The following ICE1 variants were observed in gnomAD, a reference collection of about 807,000 sequenced individuals.
ICE1 encodes the protein little elongation complex subunit 1.
Under a neutral mutation model 192.7 loss-of-function variants are expected in ICE1, and 64 were observed. The observed-to-expected ratio is 0.33, with a 90% CI of 0.27 to 0.41. ICE1 has a LOEUF of 0.41. Ranked by LOEUF, ICE1 falls within the 10% of genes least tolerant of loss-of-function variation. ICE1 has a pLI of 1.00. For missense variants in ICE1, 2,708 were observed against 2,696.0 expected (o/e 1.00, Z -0.10); for synonymous variants, 1,010 against 984.5 (o/e 1.03, Z -0.49).
chr5:5,453,810 G>A (rs1265895772), intron 10 of ICE1, among the ~76,000 whole-genome samples: 2 of 152,006 alleles, frequency 1.3e-5, no homozygotes, highest in East Asian at 1.9e-4. Flanking sequence ...TTTCATTAGG[G>A]CTGTCTTAGT....
intron 17 of ICE1, among the ~76,000 whole-genome samples, chr5:5,479,944 G>A (rs370153380): frequency 5.4e-4 from 82 of 152,262 alleles, no homozygotes; most frequent in Non-Finnish European, 8.7e-4. Context: ...CGGGGCATGG[G>A]GGGTAAGGGG....
intron 3 of ICE1, among the ~76,000 whole-genome samples, chr5:5,438,274 C>G (rs1737937390): frequency 1.3e-5 from 2 of 152,230 alleles, no homozygotes; most frequent in Admixed American, 6.5e-5. Flanking sequence ...TCACCTCCCA[C>G]AAGGTTCCAC....
At chr5:5,438,996 T>C (rs556408714) in intron 3 of ICE1, among the ~76,000 whole-genome samples, 13 of 152,324 alleles carry the variant, frequency 8.5e-5, no homozygotes, top group East Asian at 7.7e-4. Context: ...TATAATTTGA[T>C]TCCTTTTGCT....
At chr5:5,448,835 G>T (rs1305764907) in intron 10 of ICE1, among the ~76,000 whole-genome samples, 2 of 151,990 alleles carry the variant, frequency 1.3e-5, no homozygotes, top group African/African-American at 4.8e-5. Context: ...AGCTGCCTGG[G>T]CATTGATTGC....
intron 5 of ICE1, 117 bp from the exon 6 acceptor site, chr5:5,443,051 T>G: frequency 1.7e-6 from 1 of 587,170 alleles, no homozygotes; most frequent in South Asian, 2.1e-5. Flanking sequence ...TCAGTGACTA[T>G]TTTTTCTGCC....
At chr5:5,450,481 A>T (rs1738381656) in intron 10 of ICE1, among the ~76,000 whole-genome samples, 1 of 152,166 alleles carries the variant, frequency 6.6e-6, no homozygotes, top group African/African-American at 2.4e-5. Flanking sequence ...CTCAGAGGGG[A>T]GAACAGAAAC....
intron 13 of ICE1, 125 bp downstream of exon 13, chr5:5,465,351 C>T (rs932347296): frequency 1.5e-6 from 1 of 647,448 alleles, no homozygotes; most frequent in Admixed American, 3.0e-5. Context: ...TGAGAGTTAT[C>T]CATGTAAACA....
rs994296426 is a variant in ICE1 at position 5,461,615 on chromosome 5, C to T, written c.2281C>T (p.Leu761Phe). 13 of 1,613,248 alleles carry T rather than the reference C, an allele frequency of 8.1e-6. No individual in the cohort carries two copies. The African/African-American group carries it at 1.2e-4, about 15-fold the overall frequency. ...QCESQDPRIE[L>F]TLNKPDFTSL... ...TGAAAGTCAAGATCCAAGAATTGAG[C>T]TCACACTAAATAAGCCAGATTTCAC... is the stretch of plus-strand genomic sequence containing the variant. The change falls in exon 13 of 19, where the codon CTC (leucine) becomes TTC (phenylalanine). Residue 761 changes from leucine to phenylalanine, a missense_variant. Physicochemically the swap from Leu to Phe is conservative, Grantham distance 22. Coordinates refer to ENST00000296564, the MANE Select transcript of ICE1 (RefSeq NM_015325.3).
chr5:5,478,498 A>G (rs934402464), intron 17 of ICE1, among the ~76,000 whole-genome samples: 2 of 152,256 alleles, frequency 1.3e-5, no homozygotes, highest in Non-Finnish European at 2.9e-5. Context: ...GATAGGAAGA[A>G]TCAATATCGT....
chr5:5,464,604 C>T lies in ICE1; in HGVS notation c.5270C>T (p.Pro1757Leu). ...NSVKILDTMY[P>L]ELSARARTLN... The stretch of plus-strand genomic sequence containing the variant: ...GTGAAAATCCTTGACACCATGTATC[C>T]AGAGTTATCTGCCAGGGCCCGGACC... The change falls in exon 13 of 19, where the codon CCA becomes CTA. Residue 1757 changes from proline (P) to leucine (L), a missense_variant. By Grantham distance (98) the Pro-to-Leu change is moderately conservative (BLOSUM62 -3). Transcript: ENST00000296564. This position sits in a 1 kb window ranked among gnomAD's most constrained non-coding sequence, Gnocchi z 4.0. 6.2e-7 allele frequency: 1 copy of T among 1,611,630 alleles called. No individual in the cohort carries two copies.
intron 7 of ICE1, among the ~76,000 whole-genome samples, chr5:5,446,797 T>C (rs191270849): frequency 6.6e-6 from 1 of 152,324 alleles, no homozygotes; most frequent in East Asian, 1.9e-4. Context: ...CTGAGGTGTT[T>C]CATGGAGTTT....
In ICE1 at chr5:5,457,584, G is replaced by A. The variant is rs747464566; in HGVS notation, c.944G>A (p.Gly315Asp). Residue 315 changes from glycine to aspartate, a missense_variant, in exon 12 of 19, where the codon GGT becomes GAT. Physicochemically the swap from Gly to Asp is moderately conservative, Grantham distance 94. Coordinates refer to ENST00000296564, the MANE Select transcript of ICE1 (RefSeq NM_015325.3). ...TTAGTACAAAGTCATCGTGACGGTG[G>A]TAGTACTGAATTTGTTGATCATGAT... ...EVLVQSHRDGGSTEFVDHDHF... is the reference protein window; with the variant it reads ...EVLVQSHRDGDSTEFVDHDHF... 6.2e-7 allele frequency: 1 copy of A among 1,613,972 alleles called. No homozygotes were observed. Among genetic ancestry groups the A allele is most frequent in the African/African-American group, 1.3e-5 (1 of 75,038 alleles).
chr5:5,457,605 A>G lies in ICE1; in HGVS notation c.965A>G (p.His322Arg), dbSNP rs373585749. The part of the protein sequence containing the change: ...RDGGSTEFVD[H>R]DHFFDEDLQA... ...GGTGGTAGTACTGAATTTGTTGATC[A>G]TGATCATTTTTTTGATGAAGATCTT... is the stretch of plus-strand genomic sequence containing the variant. The change falls in exon 12 of 19, where the codon CAT becomes CGT. Residue 322 changes from histidine (H) to arginine (R), a missense_variant. His to Arg is a conservative substitution (Grantham distance 29, BLOSUM62 0). This residue lies in a region of ICE1 where 2,366 missense variants were observed against 2,276.6 expected (regional missense o/e 1.04). Coordinates refer to ENST00000296564, the MANE Select transcript of ICE1 (RefSeq NM_015325.3). 91 of 1,613,848 alleles carry G rather than the reference A, an allele frequency of 5.6e-5. No homozygotes were observed. The African/African-American group carries it at 6.0e-4, about 11-fold the overall frequency.
chr5:5,425,372 G>A (rs80065274), intron 1 of ICE1, among the ~76,000 whole-genome samples: 6,775 of 152,282 alleles, frequency 0.044, 564 homozygotes, highest in East Asian at 0.32. Context: ...GCTCAGAACT[G>A]CTCAGCTCTG....
intron 15 of ICE1, among the ~76,000 whole-genome samples, chr5:5,472,300 C>T (rs1212308803): frequency 3.9e-5 from 6 of 152,154 alleles, no homozygotes; most frequent in African/African-American, 1.2e-4. Flanking sequence ...AACTTAATTA[C>T]ATTCTGTTAA....
rs1004232518 is a variant in ICE1, at chr5:5,422,703, C to T, written c.-213C>T. 12 of 346,892 alleles carry T rather than the reference C, an allele frequency of 3.5e-5. No individual in the cohort carries two copies. The highest frequency in any genetic ancestry group is 2.4e-4 in the African/African-American group (11 of 46,706). The allele number at this position is 346,892 out of a possible 1,614,324, so 21.5% of individuals were successfully genotyped here. On this transcript the variant is annotated 5_prime_UTR_variant, in exon 1 of 19. Transcript: ENST00000296564. ...GACTGCGTCGCGCTCGGGGGCCGCG[C>T]CGGGTAGCGTTTCTTTTTAGTGCCT...
At chr5:5,481,258 T>C (rs6864677) in intron 17 of ICE1, among the ~76,000 whole-genome samples, 37 of 152,224 alleles carry the variant, frequency 2.4e-4, no homozygotes, top group Admixed American at 6.5e-4. Context: ...AACAATATGG[T>C]ATTTTTTTAA....
At chr5:5,478,581 C>T (rs375299099) in intron 17 of ICE1, among the ~76,000 whole-genome samples, 18 of 152,248 alleles carry the variant, frequency 1.2e-4, no homozygotes, top group African/African-American at 3.6e-4. Flanking sequence ...TGACTTTCTT[C>T]GCAGAATTAG....
At position 5,461,414 on chromosome 5, in the gene ICE1, A is replaced by G. The variant is rs762870144; in HGVS notation, c.2080A>G (p.Ile694Val). The change falls in exon 13 of 19, where the codon ATA (isoleucine) becomes GTA (valine). Residue 694 changes from isoleucine (I) to valine (V), a missense_variant. Ile to Val is a conservative substitution (Grantham distance 29). Transcript: ENST00000296564. The stretch of plus-strand genomic sequence containing the variant: ...GCAGTCTGAGCCACCGGAGTGTTCT[A>G]TAGGAGGAAACAACTTGGAGAATAG... The part of the protein sequence containing the change: ...HLQSEPPECS[I>V]GGNNLENSLC... 16 of 1,613,904 alleles carry G rather than the reference A, an allele frequency of 9.9e-6. No individual in the cohort carries two copies. The South Asian group carries it at 1.1e-4, about 11-fold the overall frequency.
Sources: gnomAD v4.1 joint callset for allele counts (sites outside exome capture counted in the v4.1 genomes callset) on GRCh38, gnomAD v4.1.1 for gene constraint, gnomAD v4.1.1 regional missense constraint, Gnocchi (gnomAD v3.1) non-coding constraint, MANE v1.5 for transcripts, NCBI Gene and HGNC (gene_info 2026-07-23, HGNC 2026-07-21) for gene names.